Variants in KIF2C observed in about 807,000 individuals in gnomAD.
KIF2C encodes kinesin-like protein KIF2C.
KIF2C carries 34 observed loss-of-function variants against 97.4 expected under a neutral mutation model. The observed-to-expected ratio is 0.35, with a 90% CI of 0.27 to 0.46. KIF2C has a LOEUF of 0.46. Ranked by LOEUF, KIF2C falls within the 20% of genes least tolerant of loss-of-function variation. The probability of loss-of-function intolerance (pLI) is 1.00; values close to 1 mark genes in which losing one functional copy is unlikely to be tolerated. For missense variants in KIF2C, 750 were observed against 907.6 expected (o/e 0.83, Z 2.23); for synonymous variants, 313 against 318.2 (o/e 0.98, Z 0.17).
rs1650510021 is a variant in KIF2C, at chr1:44,767,104, C to T, written c.2103C>T (p.Ile701=). 6.2e-7 allele frequency: 1 copy of T among 1,614,096 alleles called. No individual in the cohort carries two copies. Among genetic ancestry groups the T allele is most frequent in the Non-Finnish European group, 8.5e-7 (1 of 1,179,974 alleles). ...CGCTACCCTTTCTTCCAGATGTCATCAAGGCCTTGCGCCTGGCCATGCAGC... is the reference window on the plus strand; with the variant it reads ...CGCTACCCTTTCTTCCAGATGTCATTAAGGCCTTGCGCCTGGCCATGCAGC... The part of the protein sequence containing the change: ...AKHFSALRDV[I]KALRLAMQLE... The change falls in exon 21 of 21, where the codon ATC becomes ATT. Residue 701 remains isoleucine, a synonymous_variant. Coordinates refer to ENST00000372224, the MANE Select transcript of KIF2C (RefSeq NM_006845.4).
chr1:44,745,868 T>C (rs992262035), intron 2 of KIF2C, among the ~76,000 whole-genome samples: 10 of 151,990 alleles, frequency 6.6e-5, no homozygotes, highest in East Asian at 3.9e-4. Flanking sequence ...TAACTGCAGA[T>C]TTCTTTTTTC....
intron 19 of KIF2C, among the ~76,000 whole-genome samples, chr1:44,766,054 G>GA (rs1030425555): frequency 1.1e-4 from 17 of 150,694 alleles, no homozygotes; most frequent in Non-Finnish European, 2.4e-4. Context: ...CCGTCTTAAA[G>GA]AAAAAATAAA....
chr1:44,762,613 G>A lies in KIF2C; in HGVS notation c.1926G>A (p.Arg642=). ...TTAACGAAGCCATGACTCAGATCAG[G>A]GAGCTGGAGGAGAAGGCTATGGAAG... ...SSFNEAMTQI[R]ELEEKAMEEL... is the part of the protein sequence containing the mutation. The change falls in exon 19 of 21, where the codon AGG becomes AGA. Residue 642 remains arginine (R), a synonymous_variant. Coordinates refer to ENST00000372224, the MANE Select transcript of KIF2C (RefSeq NM_006845.4). The A allele has an allele frequency of 6.2e-7, 1 of 1,614,134 alleles. No individual in the cohort carries two copies. Among genetic ancestry groups the A allele is most frequent in the Non-Finnish European group, 8.5e-7 (1 of 1,179,992 alleles).
chr1:44,760,517 G>C lies in KIF2C; in HGVS notation c.1572+33G>C. ...GGCAGCTAGAGCTGGTTGGCCGGGA[G>C]AGCTACTGGGAAGGGATGGGGAGGG... On this transcript the variant is annotated intron_variant, in intron 15 of 20. Coordinates refer to ENST00000372224, the MANE Select transcript of KIF2C (RefSeq NM_006845.4). This position sits in a 1 kb window ranked among gnomAD's most constrained non-coding sequence, Gnocchi z 4.2. 1.2e-6 allele frequency: 2 copies of C among 1,612,604 alleles called. No individual in the cohort carries two copies. The highest frequency in any genetic ancestry group is 2.2e-5 in the South Asian group (2 of 90,856).
chr1:44,766,328 G>C (rs907896189), intron 19 of KIF2C, among the ~76,000 whole-genome samples: 1 of 152,092 alleles, frequency 6.6e-6, no homozygotes, highest in Non-Finnish European at 1.5e-5. Context: ...CTTGGGATAG[G>C]AGGCCGGAAG....
At chr1:44,759,087 A>G in intron 13 of KIF2C, 119 bp from the exon 14 acceptor site, 1 of 1,319,526 alleles carries the variant, frequency 7.6e-7, no homozygotes, top group Non-Finnish European at 1.1e-6. Flanking sequence ...ATCAGTTCGT[A>G]TTCTCTGCCT....
chr1:44,756,500 A>T (rs1383816215), intron 10 of KIF2C, among the ~76,000 whole-genome samples: 1 of 146,822 alleles, frequency 6.8e-6, no homozygotes, highest in Non-Finnish European at 1.5e-5. Context: ...ACCATTGCCC[A>T]CTGGGGTTCA....
chr1:44,746,307 G>C, intron 2 of KIF2C: 1 of 947,558 alleles, frequency 1.1e-6, no homozygotes, highest in Non-Finnish European at 1.3e-6. Flanking sequence ...TCCTGGTGAA[G>C]TTTGAGTTGT....
chr1:44,763,413 T>C (rs1010468030), intron 19 of KIF2C, among the ~76,000 whole-genome samples: 20 of 152,144 alleles, frequency 1.3e-4, no homozygotes, highest in Non-Finnish European at 2.6e-4. Flanking sequence ...CCTGGAGTGC[T>C]CAGGGGTACA....
chr1:44,741,995 T>TAAAA (rs1343111471), intron 2 of KIF2C, among the ~76,000 whole-genome samples: 1 of 25,342 alleles, frequency 3.9e-5, no homozygotes, highest in African/African-American at 1.8e-4. Flanking sequence ...AGGACTTGTC[T>TAAAA]CAAAAAAAAA....
chr1:44,741,035 C>T (rs748909105), intron 2 of KIF2C, 28 bp downstream of exon 2: 20 of 1,500,516 alleles, frequency 1.3e-5, no homozygotes, highest in Middle Eastern at 1.7e-4. Flanking sequence ...TCCTCTACCA[C>T]ATTTAATGTC....
chr1:44,764,521 T>G (rs35352198), intron 19 of KIF2C, among the ~76,000 whole-genome samples: 2,844 of 148,736 alleles, frequency 0.019, 38 homozygotes, highest in Admixed American at 0.043. Context: ...TTGTTTGTTT[T>G]GGGGGGGGAT....
chr1:44,754,091 T>C (rs1405354073), intron 7 of KIF2C, among the ~76,000 whole-genome samples: 2 of 150,346 alleles, frequency 1.3e-5, no homozygotes, highest in Non-Finnish European at 2.9e-5. Flanking sequence ...GTAGCTGGGA[T>C]TACAGGCATG....
At chr1:44,763,171 AAT>A (rs1385329289) in intron 19 of KIF2C, among the ~76,000 whole-genome samples, 1 of 146,392 alleles carries the variant, frequency 6.8e-6, no homozygotes, top group Admixed American at 6.9e-5. Flanking sequence ...AGCGTTCAGT[AAT>A]ATGCTTATAA....
rs546547165 is a variant in KIF2C, at chr1:44,742,331, G to A, written c.165+1324G>A. ...TCACTGTGTTAGCCGGGATGGTCTCGATCTCCTGACCTCGTGATCCGCCTG... is the reference window on the plus strand; with the variant it reads ...TCACTGTGTTAGCCGGGATGGTCTCAATCTCCTGACCTCGTGATCCGCCTG... On this transcript the variant is annotated intron_variant, in intron 2 of 20. Coordinates refer to ENST00000372224, the MANE Select transcript of KIF2C (RefSeq NM_006845.4). Among the ~76,000 whole-genome samples the A allele has an allele frequency of 6.7e-4, 102 of 151,942 alleles. 1 individual carries two copies. Among genetic ancestry groups the A allele is most frequent in the Non-Finnish European group, 1.2e-3 (83 of 67,908 alleles).
chr1:44,760,292 G>C lies in KIF2C; in HGVS notation c.1380G>C (p.Gln460His). 1 of 1,614,034 alleles carries C rather than the reference G, an allele frequency of 6.2e-7. No homozygotes were observed. Among genetic ancestry groups the C allele is most frequent in the Non-Finnish European group, 8.5e-7 (1 of 1,180,016 alleles). ...TTCTTTACCACAGAACCTCTGGGCA[G>C]ACATTTGCCAACTCCAATTCCTCCC... ...DMGSACRTSGQTFANSNSSRS... is the reference protein window; with the variant it reads ...DMGSACRTSGHTFANSNSSRS... The change falls in exon 15 of 21, where the codon CAG becomes CAC. Residue 460 changes from glutamine to histidine, a missense_variant. Transcript: ENST00000372224. This position sits in a 1 kb window ranked among gnomAD's most constrained non-coding sequence, Gnocchi z 4.2.
chr1:44,757,675 G>T (rs1649914970), intron 11 of KIF2C, 29 bp downstream of exon 11: 1 of 1,500,350 alleles, frequency 6.7e-7, no homozygotes, highest in African/African-American at 1.4e-5. Flanking sequence ...CGGGGAAAGA[G>T]CCTTTCCCTT....
At chr1:44,753,096 T>C (rs1420529799) in intron 5 of KIF2C, 36 bp from the exon 6 acceptor site, 8 of 1,592,770 alleles carry the variant, frequency 5.0e-6, no homozygotes, top group African/African-American at 2.7e-5. Flanking sequence ...TGTGGTATAC[T>C]TGCCTGCTTC....
Position 44,757,615 on chromosome 1 carries a change from C to G in KIF2C, c.1037C>G (p.Ala346Gly), listed in dbSNP as rs1649912330. Residue 346 changes from alanine (A) to glycine (G), a missense_variant, in exon 11 of 21, where the codon GCA becomes GGA. Coordinates refer to ENST00000372224, the MANE Select transcript of KIF2C (RefSeq NM_006845.4). ...IFEGGKATCF[A>G]YGQTGSGKTH... ...GAAGGTGGAAAAGCAACTTGTTTTGCATATGGCCAGACAGGAAGTGGCAAG... is the reference window on the plus strand; with the variant it reads ...GAAGGTGGAAAAGCAACTTGTTTTGGATATGGCCAGACAGGAAGTGGCAAG... The G allele has an allele frequency of 1.9e-6, 3 of 1,613,634 alleles. No individual in the cohort carries two copies. The East Asian group carries it at 6.7e-5, about 36-fold the overall frequency.
Sources: gnomAD v4.1 joint callset for allele counts (sites outside exome capture counted in the v4.1 genomes callset) on GRCh38, gnomAD v4.1.1 for gene constraint, Gnocchi (gnomAD v3.1) non-coding constraint, MANE v1.5 for transcripts, NCBI Gene and HGNC (gene_info 2026-07-23, HGNC 2026-07-21) for gene names.